Variants in CLTC observed in about 807,000 individuals in gnomAD.
CLTC encodes the protein clathrin heavy chain 1.
In CLTC, 16 loss-of-function variants were observed where a neutral mutation model predicts 195.8. That is an observed-to-expected ratio of 0.08 (90% CI 0.06 to 0.12). The LOEUF (loss-of-function observed/expected upper bound fraction) is 0.12. Ranked by LOEUF, CLTC falls within the 10% of genes least tolerant of loss-of-function variation. The pLI is 1.00. For missense variants in CLTC, 796 were observed against 2,027.0 expected (o/e 0.39, Z 11.66); for synonymous variants, 667 against 689.4 (o/e 0.97, Z 0.51).
At chr17:59,684,962 A>G (rs2033151254) in intron 28 of CLTC, 94 bp from the exon 29 acceptor site, 1 of 933,236 alleles carries the variant, frequency 1.1e-6, no homozygotes, top group Non-Finnish European at 1.5e-6. Context: ...GTGTCATATT[A>G]CATGTTACCA....
At position 59,696,801 on chromosome 17, in the gene CLTC, C is replaced by CAA. The variant is rs1460961519; in HGVS notation, c.*2950_*2951dup. 4.9e-6 allele frequency: 1 copy of CAA among 204,002 alleles called. No homozygotes were observed. Among genetic ancestry groups the CAA allele is most frequent in the Non-Finnish European group, 1.0e-5 (1 of 99,416 alleles). The allele number at this position is 204,002 out of a possible 1,614,324, so 12.6% of individuals were successfully genotyped here. A position where few individuals can be genotyped will look rare whatever the true frequency, so the allele number is the denominator to read the frequency against. On this transcript the variant is annotated 3_prime_UTR_variant, in exon 32 of 32. Coordinates refer to ENST00000269122, the MANE Select transcript of CLTC (RefSeq NM_004859.4). ...ATCTGTTAAGGTCCATAAGGTTACT[C>CAA]AAGTTTCAGTGGCTTCATTGTTACA...
intron 1 of CLTC, among the ~76,000 whole-genome samples, chr17:59,636,932 CTTTTTTTT>C (rs771908096): frequency 2.9e-5 from 3 of 103,672 alleles, no homozygotes; most frequent in African/African-American, 1.1e-4. Context: ...CCGGCTAATT[CTTTTTTTT>C]TTTTTTTTTT....
chr17:59,650,476 C>A (rs1012688493), intron 4 of CLTC, among the ~76,000 whole-genome samples: 1 of 145,692 alleles, frequency 6.9e-6, no homozygotes, highest in African/African-American at 2.5e-5. Context: ...TTCAGATATT[C>A]AGATGACTTT....
At chr17:59,631,086 G>A (rs1044029214) in intron 1 of CLTC, among the ~76,000 whole-genome samples, 8 of 152,132 alleles carry the variant, frequency 5.3e-5, no homozygotes, top group African/African-American at 1.2e-4. Context: ...GGGATGATTC[G>A]TCTAATTGGG....
intron 1 of CLTC, among the ~76,000 whole-genome samples, chr17:59,639,552 T>A (rs1166856410): frequency 1.3e-5 from 2 of 152,200 alleles, no homozygotes; most frequent in Non-Finnish European, 2.9e-5. Context: ...GTAGCTGTAG[T>A]TTGGATACAT....
chr17:59,630,253 C>T (rs976247628), intron 1 of CLTC, among the ~76,000 whole-genome samples: 6 of 150,862 alleles, frequency 4.0e-5, no homozygotes, highest in Admixed American at 6.6e-5. Flanking sequence ...CTGCCTGCCT[C>T]GGCCTCCCAA....
intron 1 of CLTC, among the ~76,000 whole-genome samples, chr17:59,622,881 C>G (rs2031427218): frequency 6.6e-6 from 1 of 152,182 alleles, no homozygotes; most frequent in South Asian, 2.1e-4. Flanking sequence ...TGAAGGATCT[C>G]TTGTCATCAA....
chr17:59,660,217 T>C (rs1393352131), intron 6 of CLTC, among the ~76,000 whole-genome samples, 174 bp from the exon 7 acceptor site: 1 of 152,208 alleles, frequency 6.6e-6, no homozygotes. Context: ...CAAATCTCCT[T>C]AATTTTTTTT....
intron 1 of CLTC, among the ~76,000 whole-genome samples, chr17:59,643,277 C>G (rs1458816776): frequency 1.3e-5 from 2 of 151,860 alleles, no homozygotes; most frequent in African/African-American, 2.4e-5. Context: ...TTTAGTAGGA[C>G]TTAATCTGTT....
intron 1 of CLTC, among the ~76,000 whole-genome samples, chr17:59,624,762 C>T (rs1224758322): frequency 1.3e-5 from 2 of 152,040 alleles, no homozygotes; most frequent in South Asian, 2.1e-4. Flanking sequence ...AGCTGCTGCT[C>T]CTGGCCTCAT....
In CLTC at chr17:59,648,308, A is replaced by C; in HGVS notation, c.588A>C (p.Gly196=). 1 of 1,614,188 alleles carries C rather than the reference A, an allele frequency of 6.2e-7. No homozygotes were observed. Among genetic ancestry groups the C allele is most frequent in the Non-Finnish European group, 8.5e-7 (1 of 1,180,000 alleles). Residue 196 remains glycine, a synonymous_variant, in exon 4 of 32, where the codon GGA becomes GGC. Coordinates refer to ENST00000269122, the MANE Select transcript of CLTC (RefSeq NM_004859.4). The surrounding 1 kb of genome is among the most constrained non-coding windows in gnomAD (Gnocchi z 4.5). ...VDRKVSQPIE[G]HAASFAQFKM... Reference sequence around the variant, plus strand: ...GGAAAGTGTCTCAGCCCATTGAAGGACATGCAGCTAGCTTTGCACAGTTTA... The same window carrying C: ...GGAAAGTGTCTCAGCCCATTGAAGGCCATGCAGCTAGCTTTGCACAGTTTA...
intron 6 of CLTC, chr17:59,656,250 A>G (rs2032462031): frequency 2.5e-6 from 1 of 399,214 alleles, no homozygotes; most frequent in Admixed American, 4.6e-5. Context: ...ATACCTAAAA[A>G]TAGAGATGTG....
intron 2 of CLTC, among the ~76,000 whole-genome samples, chr17:59,645,473 C>A (rs1178736520): frequency 6.6e-6 from 1 of 152,118 alleles, no homozygotes; most frequent in Non-Finnish European, 1.5e-5. Flanking sequence ...GACTAATTGA[C>A]CCTTTAAAAC....
At position 59,661,559 on chromosome 17, in the gene CLTC, C is replaced by T. The variant is rs778510156; in HGVS notation, c.1284C>T (p.Asn428=). The T allele has an allele frequency of 5.0e-6, 8 of 1,613,990 alleles. No individual in the cohort carries two copies. Among genetic ancestry groups the T allele is most frequent in the African/African-American group, 1.3e-5 (1 of 74,916 alleles). ...TCCTTTTGGACCAGGGACAGCTCAA[C>T]AAATACGAATCCTTAGAGCTTTGTA... ...FGILLDQGQL[N]KYESLELCRP... Residue 428 remains asparagine (N), a synonymous_variant, in exon 8 of 32, where the codon AAC becomes AAT. Coordinates refer to ENST00000269122, the MANE Select transcript of CLTC (RefSeq NM_004859.4).
chr17:59,650,300 C>G (rs2032296929), intron 4 of CLTC, among the ~76,000 whole-genome samples: 1 of 152,088 alleles, frequency 6.6e-6, no homozygotes, highest in South Asian at 2.1e-4. Context: ...TATATACATT[C>G]ATTCTGTTTT....
At position 59,683,950 on chromosome 17, in the gene CLTC, T is replaced by C. The variant is rs773717945; in HGVS notation, c.4399T>C (p.Leu1467=). ...NHNNKSVNES[L]NNLFITEEDY... is the part of the protein sequence containing the mutation. ...TAACAACAAATCTGTGAATGAATCATTGAACAATCTTTTTATTACAGAAGA... is the reference window on the plus strand; with the variant it reads ...TAACAACAAATCTGTGAATGAATCACTGAACAATCTTTTTATTACAGAAGA... Residue 1467 remains leucine, a synonymous_variant, in exon 28 of 32, where the codon TTG becomes CTG. Transcript: ENST00000269122. The surrounding 1 kb of genome is among the most constrained non-coding windows in gnomAD (Gnocchi z 6.1). 2 of 1,610,482 alleles carry C rather than the reference T, an allele frequency of 1.2e-6. No homozygotes were observed.
intron 6 of CLTC, among the ~76,000 whole-genome samples, chr17:59,659,445 TTTAA>T (rs1461653675): frequency 1.5e-5 from 2 of 131,700 alleles, no homozygotes; most frequent in Non-Finnish European, 3.2e-5. Context: ...ATTTTTTATT[TTTAA>T]TTAATTTTTT....
intron 17 of CLTC, among the ~76,000 whole-genome samples, chr17:59,678,464 C>T (rs1211235326): frequency 6.6e-6 from 1 of 152,186 alleles, no homozygotes; most frequent in East Asian, 1.9e-4. Context: ...AGTTAGCACT[C>T]ATGCATTCAT....
chr17:59,664,685 C>A, intron 9 of CLTC, 102 bp from the exon 10 acceptor site: 1 of 1,230,736 alleles, frequency 8.1e-7, no homozygotes, highest in Non-Finnish European at 1.1e-6. Context: ...TTTGTGCTTT[C>A]ACCAGTAGTT....
Sources: gnomAD v4.1 joint callset for allele counts (sites outside exome capture counted in the v4.1 genomes callset) on GRCh38, gnomAD v4.1.1 for gene constraint, Gnocchi (gnomAD v3.1) non-coding constraint, MANE v1.5 for transcripts, NCBI Gene and HGNC (gene_info 2026-07-23, HGNC 2026-07-21) for gene names.